Variants in FAM156A observed in about 807,000 individuals in gnomAD.
FAM156A encodes family with sequence similarity 156 member A.
At chrX:52,987,664 AT>A (rs1930390936) in intron 1 of FAM156A, among the ~76,000 whole-genome samples, 1 of 110,218 alleles carries the variant, frequency 9.1e-6, no homozygotes, top group South Asian at 3.8e-4. Flanking sequence ...AAAAAAAAAA[AT>A]CTATTTGCCT....
chrX:52,983,726 T>A (rs782356234), intron 1 of FAM156A, among the ~76,000 whole-genome samples: 17 of 112,264 alleles, frequency 1.5e-4, no homozygotes, highest in African/African-American at 5.2e-4. Context: ...GACCTGGCTG[T>A]GCTCCCACCC....
chrX:52,979,422 G>A (rs970949849), intron 1 of FAM156A, among the ~76,000 whole-genome samples: 3 of 110,988 alleles, frequency 2.7e-5, no homozygotes, highest in Admixed American at 1.9e-4. Context: ...TTCCTTCAAC[G>A]GGAGCCTAGA....
chrX:52,988,734 T>C (rs1435713391), intron 1 of FAM156A, among the ~76,000 whole-genome samples: 2 of 112,597 alleles, frequency 1.8e-5, no homozygotes, highest in Admixed American at 1.9e-4. Flanking sequence ...TCCTCTTTTA[T>C]ATCTGGCTTC....
At chrX:52,983,729 T>A in intron 1 of FAM156A, among the ~76,000 whole-genome samples, 1 of 112,141 alleles carries the variant, frequency 8.9e-6, no homozygotes, top group Non-Finnish European at 1.9e-5. Flanking sequence ...CTGGCTGTGC[T>A]CCCACCCCAC....
chrX:52,974,496 C>T (rs1180552415), intron 1 of FAM156A, among the ~76,000 whole-genome samples: 2 of 111,195 alleles, frequency 1.8e-5, no homozygotes, highest in Non-Finnish European at 3.8e-5. Flanking sequence ...TTTTTTGAGA[C>T]AGGGTCTCAC....
chrX:52,978,830 C>T (rs1225569571), intron 1 of FAM156A, among the ~76,000 whole-genome samples: 1 of 111,891 alleles, frequency 8.9e-6, no homozygotes, highest in Non-Finnish European at 1.9e-5. Flanking sequence ...AAACCTATCC[C>T]TTCCATACCT....
At chrX:52,992,261 G>A (rs1187508364) in intron 1 of FAM156A, among the ~76,000 whole-genome samples, 3 of 111,623 alleles carry the variant, frequency 2.7e-5, no homozygotes, top group Admixed American at 9.5e-5. Flanking sequence ...GCTATTGTGG[G>A]TGTAAATGAG....
intron 1 of FAM156A, among the ~76,000 whole-genome samples, chrX:52,981,739 G>A (rs1556793439): frequency 9.0e-6 from 1 of 111,246 alleles, no homozygotes; most frequent in East Asian, 2.8e-4. Context: ...TCCCCTAGTT[G>A]CAGCTCTGTC....
At chrX:52,987,141 G>C (rs1482166162) in intron 1 of FAM156A, among the ~76,000 whole-genome samples, 4 of 111,348 alleles carry the variant, frequency 3.6e-5, no homozygotes, top group Non-Finnish European at 7.5e-5. Context: ...ACATGTGCAG[G>C]AGCCGTATGC....
rs781916862 is a variant in FAM156A, at chrX:52,989,866, A to T, written c.-434+5440T>A. On this transcript the variant is annotated intron_variant, in intron 1 of 4. Coordinates refer to the FAM156A transcript ENST00000610625. Reference sequence around the variant, plus strand: ...TGGTGCCCTCAGGACTCGCCAACCTATAGCCTGACCTGCCTCAGAGCCAGT... The same window carrying T: ...TGGTGCCCTCAGGACTCGCCAACCTTTAGCCTGACCTGCCTCAGAGCCAGT... Among the ~76,000 whole-genome samples, 4 of 112,549 alleles carry T rather than the reference A, an allele frequency of 3.6e-5. No individual in the cohort carries two copies. In the East Asian group the frequency reaches 1.1e-3, roughly 31 times the overall value.
intron 1 of FAM156A, among the ~76,000 whole-genome samples, chrX:52,992,263 G>A (rs142293171): frequency 9.0e-4 from 100 of 111,688 alleles, no homozygotes; most frequent in African/African-American, 3.1e-3. Context: ...TATTGTGGGT[G>A]TAAATGAGGC....
At chrX:52,990,804 A>AAGAAAAAAGAAC (rs1316690209) in intron 1 of FAM156A, among the ~76,000 whole-genome samples, 1 of 93,597 alleles carries the variant, frequency 1.1e-5, no homozygotes, top group African/African-American at 4.1e-5. Context: ...AAAGAAAGAA[A>AAGAAAAAAGAAC]AGAAAAGAAA....
chrX:52,982,955 G>T (rs1930010469), intron 1 of FAM156A, among the ~76,000 whole-genome samples: 1 of 113,052 alleles, frequency 8.8e-6, no homozygotes, highest in African/African-American at 3.2e-5. Context: ...GCAAAGCCAG[G>T]CTATTAGTCC....
At chrX:52,991,465 C>A (rs1930768996) in intron 1 of FAM156A, among the ~76,000 whole-genome samples, 1 of 111,504 alleles carries the variant, frequency 9.0e-6, no homozygotes, top group Non-Finnish European at 1.9e-5. Context: ...TTCACTGATT[C>A]AAAGGCCAGA....
chrX:52,986,508 A>C (rs1286519625), intron 1 of FAM156A, among the ~76,000 whole-genome samples: 1 of 111,302 alleles, frequency 9.0e-6, no homozygotes, highest in Non-Finnish European at 1.9e-5. Flanking sequence ...AGTGGGATTT[A>C]TCTTGGGAAT....
At chrX:52,993,416 T>C (rs1446860092) in intron 1 of FAM156A, among the ~76,000 whole-genome samples, 1 of 94,907 alleles carries the variant, frequency 1.1e-5, no homozygotes, top group Non-Finnish European at 2.1e-5. Context: ...TTCTTTTTTT[T>C]TTTTTTTTTT....
chrX:52,977,987 C>T (rs1387054867), intron 1 of FAM156A, among the ~76,000 whole-genome samples: 1 of 111,254 alleles, frequency 9.0e-6, no homozygotes, highest in Non-Finnish European at 1.9e-5. Flanking sequence ...AATTTATATG[C>T]TTTTGTGCTA....
chrX:52,984,604 G>A (rs782463095), intron 1 of FAM156A, among the ~76,000 whole-genome samples: 14 of 111,618 alleles, frequency 1.3e-4, no homozygotes, highest in Non-Finnish European at 1.7e-4. Flanking sequence ...ACAGTGGTTC[G>A]CGCCTGTAAT....
At chrX:52,983,343 C>T (rs782147707) in intron 1 of FAM156A, among the ~76,000 whole-genome samples, 1 of 111,568 alleles carries the variant, frequency 9.0e-6, no homozygotes, top group African/African-American at 3.3e-5. Flanking sequence ...TAGCATTTCA[C>T]ATCAATTTTA....
Sources: gnomAD v4.1 joint callset for allele counts (sites outside exome capture counted in the v4.1 genomes callset) on GRCh38, gnomAD v4.1.1 for gene constraint, MANE v1.5 for transcripts, NCBI Gene and HGNC (gene_info 2026-07-23, HGNC 2026-07-21) for gene names.